The following MFAP3L variants were observed in gnomAD, a reference collection of about 807,000 sequenced individuals.
The protein encoded by MFAP3L is microfibril associated protein 3 like, also known as microfibrillar-associated protein 3-like.
In MFAP3L, 5 loss-of-function variants were observed where a neutral mutation model predicts 20.0. That is an observed-to-expected ratio of 0.25 (90% CI 0.13 to 0.53). MFAP3L has a LOEUF of 0.53. MFAP3L is among the 20% of genes least tolerant of loss of function. The probability of loss-of-function intolerance (pLI) is 0.96; values close to 1 mark genes in which losing one functional copy is unlikely to be tolerated. For missense variants in MFAP3L, 409 were observed against 527.5 expected (o/e 0.78, Z 2.20); for synonymous variants, 219 against 213.0 (o/e 1.03, Z -0.25).
intron 1 of MFAP3L, among the ~76,000 whole-genome samples, chr4:170,012,212 C>T (rs1200615354): frequency 6.6e-6 from 1 of 151,972 alleles, no homozygotes; most frequent in East Asian, 1.9e-4. Context: ...GGGGCCTGAA[C>T]CAAAAGCAGT....
intron 1 of MFAP3L, among the ~76,000 whole-genome samples, chr4:170,020,601 A>G (rs1398690211): frequency 7.1e-6 from 1 of 139,916 alleles, no homozygotes; most frequent in Non-Finnish European, 1.5e-5. Context: ...CCCTGACTGC[A>G]TCTCTGGAGC....
intron 2 of MFAP3L, chr4:170,003,818 C>T: frequency 1.0e-6 from 1 of 985,498 alleles, no homozygotes; most frequent in South Asian, 4.7e-5. Context: ...GTTACCATGG[C>T]TATTGCCCTC....
chr4:169,999,422 T>C (rs148278135), intron 2 of MFAP3L, among the ~76,000 whole-genome samples: 59 of 152,320 alleles, frequency 3.9e-4, no homozygotes, highest in African/African-American at 1.3e-3. Context: ...AGGAAACATC[T>C]GTTCCTCTAG....
intron 1 of MFAP3L, among the ~76,000 whole-genome samples, chr4:170,015,365 G>C (rs921484405): frequency 6.6e-5 from 10 of 152,148 alleles, no homozygotes; most frequent in Non-Finnish European, 1.3e-4. Context: ...AACGGTGAGG[G>C]GTAAAGAGAA....
At chr4:170,021,341 C>T (rs1679628641) in intron 1 of MFAP3L, among the ~76,000 whole-genome samples, 1 of 152,190 alleles carries the variant, frequency 6.6e-6, no homozygotes, top group African/African-American at 2.4e-5. Context: ...CTACCACAAC[C>T]TGGTTTTTCC....
At chr4:169,995,137 G>A (rs1459949723) in intron 2 of MFAP3L, 1 of 152,086 alleles carries the variant, frequency 6.6e-6, no homozygotes, top group Non-Finnish European at 1.5e-5. Context: ...ATGGGTTAAG[G>A]TAATGTTAAT....
At chr4:169,999,171 C>T (rs1039415463) in intron 2 of MFAP3L, among the ~76,000 whole-genome samples, 6 of 152,180 alleles carry the variant, frequency 3.9e-5, no homozygotes, top group African/African-American at 1.4e-4. Flanking sequence ...TGCTCTTGTG[C>T]CTCCCCAACC....
At chr4:170,010,664 G>A (rs1271516527) in intron 1 of MFAP3L, among the ~76,000 whole-genome samples, 1 of 152,130 alleles carries the variant, frequency 6.6e-6, no homozygotes, top group Non-Finnish European at 1.5e-5. Context: ...TTTATTGTAG[G>A]AAAATGGTAT....
intron 2 of MFAP3L, among the ~76,000 whole-genome samples, chr4:170,004,381 T>C (rs1376847447): frequency 3.3e-5 from 5 of 152,218 alleles, no homozygotes. Context: ...TCGACTCTCC[T>C]AGGTTAAACG....
chr4:169,991,858 G>A lies in MFAP3L; in HGVS notation c.750C>T (p.Cys250=). The change falls in exon 3 of 3, where the codon TGC becomes TGT. Residue 250 remains cysteine (C), a synonymous_variant. Coordinates refer to ENST00000361618, the MANE Select transcript of MFAP3L (RefSeq NM_021647.8). The surrounding 1 kb of genome is among the most constrained non-coding windows in gnomAD (Gnocchi z 4.9). ...CCATAATCTCCTCCATGATAGTCCT[G>A]CAGTTCATAATGAGAGGCGGCAGAG... ...SVPLPPLIMN[C]RTIMEEIMEV... is the part of the protein sequence containing the mutation. The A allele has an allele frequency of 1.2e-6, 2 of 1,614,126 alleles. No individual in the cohort carries two copies. The highest frequency in any genetic ancestry group is 1.7e-6 in the Non-Finnish European group (2 of 1,180,026).
rs1344133728 is a variant in MFAP3L, at chr4:169,989,584, A to G, written c.*1794T>C. 2 of 152,230 alleles carry G rather than the reference A, an allele frequency of 1.3e-5. No homozygotes were observed. The highest frequency in any genetic ancestry group is 2.9e-5 in the Non-Finnish European group (2 of 68,048). 9.4% of individuals were successfully genotyped at this position (152,230 alleles called of 1,614,324 possible). On this transcript the variant is annotated 3_prime_UTR_variant, in exon 3 of 3. Transcript: ENST00000361618. ...CTGTAGACCCTCGAGTACTACCTGC[A>G]TATTTTACAGATGAAAAAGATTAAA... is the stretch of plus-strand genomic sequence containing the variant.
chr4:170,021,313 T>C (rs1740020809), intron 1 of MFAP3L, among the ~76,000 whole-genome samples: 1 of 152,208 alleles, frequency 6.6e-6, no homozygotes, highest in African/African-American at 2.4e-5. Context: ...CTGGTGGTTC[T>C]CACTCCTAAA....
At chr4:169,994,484 G>T in intron 2 of MFAP3L, 1 of 977,950 alleles carries the variant, frequency 1.0e-6, no homozygotes, top group East Asian at 1.1e-4. Context: ...AAAATAAAAT[G>T]TGAAAATACT....
At chr4:170,006,533 A>C (rs1450590321) in intron 1 of MFAP3L, 1 of 152,234 alleles carries the variant, frequency 6.6e-6, no homozygotes, top group Non-Finnish European at 1.5e-5. Context: ...ATAGGAACAA[A>C]TATTTCTTAT....
intron 2 of MFAP3L, among the ~76,000 whole-genome samples, chr4:169,998,335 A>C (rs900860968): frequency 6.6e-6 from 1 of 152,258 alleles, no homozygotes; most frequent in Non-Finnish European, 1.5e-5. Flanking sequence ...ACTTAGTGTG[A>C]AACCAACAGA....
intron 1 of MFAP3L, among the ~76,000 whole-genome samples, chr4:170,016,131 C>T (rs1225223572): frequency 6.6e-6 from 1 of 152,088 alleles, no homozygotes; most frequent in Non-Finnish European, 1.5e-5. Context: ...TGATTAGTAA[C>T]AATCTGTGCA....
At chr4:170,001,866 G>T in intron 2 of MFAP3L, 1 of 937,108 alleles carries the variant, frequency 1.1e-6, no homozygotes, top group Non-Finnish European at 1.3e-6. Flanking sequence ...GACAGCACCA[G>T]GCAAGCAAAG....
chr4:170,022,783 G>A (rs1168301870), intron 1 of MFAP3L, among the ~76,000 whole-genome samples: 1 of 152,114 alleles, frequency 6.6e-6, no homozygotes, highest in African/African-American at 2.4e-5. Flanking sequence ...AACAAGGAAT[G>A]GGGGTGGCCT....
In MFAP3L at chr4:169,991,287, T is replaced by C. The variant is rs571659979; in HGVS notation, c.*91A>G. The C allele has an allele frequency of 7.4e-7, 1 of 1,346,012 alleles. No individual in the cohort carries two copies. Among genetic ancestry groups the C allele is most frequent in the South Asian group, 1.4e-5 (1 of 71,016 alleles). The allele number at this position is 1,346,012 out of a possible 1,614,324, so 83.4% of individuals were successfully genotyped here. ...TCCTACCTAAGGGATGAGAGTCTCCTGGTAAGGCTTAGCGGCAAGTGCGTA... is the reference window on the plus strand; with the variant it reads ...TCCTACCTAAGGGATGAGAGTCTCCCGGTAAGGCTTAGCGGCAAGTGCGTA... On this transcript the variant is annotated 3_prime_UTR_variant, in exon 3 of 3. Coordinates refer to ENST00000361618, the MANE Select transcript of MFAP3L (RefSeq NM_021647.8). This position sits in a 1 kb window ranked among gnomAD's most constrained non-coding sequence, Gnocchi z 4.9.
Sources: allele counts gnomAD v4.1 joint callset (sites outside exome capture counted in the v4.1 genomes callset), GRCh38; gene constraint gnomAD v4.1.1; non-coding constraint Gnocchi (gnomAD v3.1); transcripts MANE v1.5; gene names NCBI Gene and HGNC (gene_info 2026-07-23, HGNC 2026-07-21).